The following OGFOD1 variants were observed in gnomAD, a reference collection of about 807,000 sequenced individuals.
OGFOD1 encodes the protein 2-oxoglutarate and iron dependent oxygenase domain containing 1, also known as prolyl 3-hydroxylase OGFOD1.
In OGFOD1, 54 loss-of-function variants were observed where a neutral mutation model predicts 67.7. The observed-to-expected ratio is 0.80, with a 90% CI of 0.64 to 1.00. The LOEUF is 1.00. Ranked by LOEUF, OGFOD1 falls within the 50% of genes least tolerant of loss-of-function variation. The pLI, the probability that OGFOD1 is intolerant of heterozygous loss-of-function variation, is 0.00. For synonymous variants in OGFOD1, 221 were observed against 227.0 expected, an observed-to-expected ratio of 0.97 and a Z score of 0.24; for missense variants, 606 against 646.7, an observed-to-expected ratio of 0.94 and a Z score of 0.68.
At chr16:56,454,434 C>A (rs1017041318) in intron 2 of OGFOD1, among the ~76,000 whole-genome samples, 3 of 146,862 alleles carry the variant, frequency 2.0e-5, no homozygotes, top group Non-Finnish European at 1.5e-5. Flanking sequence ...TAGGGCAAAG[C>A]GTTAAATCCG....
In OGFOD1 at chr16:56,451,696, C is replaced by T. The variant is rs764490653; in HGVS notation, c.84C>T (p.Asp28=). 5 of 1,614,068 alleles carry T rather than the reference C, an allele frequency of 3.1e-6. No individual in the cohort carries two copies. The highest frequency in any genetic ancestry group is 4.2e-6 in the Non-Finnish European group (5 of 1,180,012). The stretch of plus-strand genomic sequence containing the variant: ...AGGAGGTGATGGCGGAGTTTTCGGA[C>T]GCTGTTACGGAAGAAACCTTGAAAA... ...GKKEVMAEFS[D]AVTEETLKKQ... Residue 28 remains aspartate, a synonymous_variant, in exon 1 of 13, where the codon GAC becomes GAT. Transcript: ENST00000566157.
chr16:56,467,066 T>C, intron 6 of OGFOD1, 99 bp downstream of exon 6: 2 of 1,562,278 alleles, frequency 1.3e-6, no homozygotes, highest in South Asian at 1.1e-5. Flanking sequence ...TTATCTGATG[T>C]TGTTTTAATG....
chr16:56,457,717 G>A (rs1164460647), intron 2 of OGFOD1, among the ~76,000 whole-genome samples: 3 of 151,016 alleles, frequency 2.0e-5, no homozygotes, highest in Non-Finnish European at 2.9e-5. Context: ...TTTTGCTCTT[G>A]TTGCCCAGGC....
chr16:56,458,744 T>G, intron 3 of OGFOD1, 150 bp downstream of exon 3: 1 of 646,940 alleles, frequency 1.5e-6, no homozygotes, highest in East Asian at 2.9e-5. Context: ...GAAATTGAGT[T>G]TGCATAGCTT....
intron 10 of OGFOD1, among the ~76,000 whole-genome samples, chr16:56,473,036 T>C (rs1237610762): frequency 3.3e-5 from 5 of 152,198 alleles, no homozygotes; most frequent in Non-Finnish European, 7.4e-5. Context: ...GTTCAAGCGA[T>C]TCTCCTGCCT....
chr16:56,475,863 T>C (rs1261100985), intron 12 of OGFOD1, among the ~76,000 whole-genome samples, 181 bp from the exon 13 acceptor site: 5 of 152,236 alleles, frequency 3.3e-5, no homozygotes, highest in Non-Finnish European at 7.3e-5. Context: ...TCTAGGTATA[T>C]GCTGGAATAG....
intron 7 of OGFOD1, 118 bp from the exon 8 acceptor site, chr16:56,467,787 T>C: frequency 1.5e-6 from 1 of 684,164 alleles, no homozygotes; most frequent in Non-Finnish European, 2.6e-6. Context: ...TCCAGTACTT[T>C]AATAGGAGAA....
intron 7 of OGFOD1, among the ~76,000 whole-genome samples, 178 bp downstream of exon 7, chr16:56,467,471 G>C (rs1247660877): frequency 6.8e-6 from 1 of 147,104 alleles, no homozygotes; most frequent in Non-Finnish European, 1.5e-5. Context: ...CCGTCACCCA[G>C]GCTGGAGTGC....
In OGFOD1 at chr16:56,478,148, T is replaced by C. The variant is rs1052934724; in HGVS notation, c.*1943T>C. ...TAACGAACCATTTTACACCATACTA[T>C]TTTGGAGACCACAATTTTTTTTGCG... On this transcript the variant is annotated 3_prime_UTR_variant, in exon 13 of 13. Transcript: ENST00000566157. 6.6e-6 allele frequency: 1 copy of C among 152,130 alleles called. No homozygotes were observed. Among genetic ancestry groups the C allele is most frequent in the Non-Finnish European group, 1.5e-5 (1 of 68,042 alleles). 9.4% of individuals were successfully genotyped at this position (152,130 alleles called of 1,614,324 possible).
rs1963389698 is a variant in OGFOD1 at position 56,474,970 on chromosome 16, G to C, written c.1408+20G>C. The C allele has an allele frequency of 6.2e-7, 1 of 1,612,220 alleles. No individual in the cohort carries two copies. ...GTGAAGGTAAGAGGGAGGAAAGCAA[G>C]CGGTGGATTATTCCCCGTAGGAGGG... On this transcript the variant is annotated intron_variant, in intron 11 of 12. Coordinates refer to ENST00000566157, the MANE Select transcript of OGFOD1 (RefSeq NM_018233.4).
intron 5 of OGFOD1, among the ~76,000 whole-genome samples, chr16:56,466,496 G>A (rs1962905966): frequency 6.6e-6 from 1 of 152,192 alleles, no homozygotes; most frequent in African/African-American, 2.4e-5. Context: ...CATTTAAGAT[G>A]AGAAATAGTC....
chr16:56,469,403 C>A (rs1963045868), intron 8 of OGFOD1, among the ~76,000 whole-genome samples: 1 of 152,118 alleles, frequency 6.6e-6, no homozygotes. Flanking sequence ...TTTATAAATG[C>A]AGCAGTCTGG....
chr16:56,469,850 CAAAAAAAA>C (rs751278368), intron 8 of OGFOD1, among the ~76,000 whole-genome samples, 145 bp from the exon 9 acceptor site: 3 of 53,340 alleles, frequency 5.6e-5, no homozygotes, highest in East Asian at 5.6e-4. Flanking sequence ...AACTCCATCT[CAAAAAAAA>C]AAAAAAAAAA....
intron 10 of OGFOD1, 98 bp downstream of exon 10, chr16:56,470,889 C>A: frequency 8.0e-7 from 1 of 1,252,148 alleles, no homozygotes; most frequent in Non-Finnish European, 1.1e-6. Flanking sequence ...CTACTGTGCC[C>A]TAAGCCCTAT....
intron 8 of OGFOD1, among the ~76,000 whole-genome samples, chr16:56,469,381 T>G (rs1419389167): frequency 6.6e-6 from 1 of 152,146 alleles, no homozygotes; most frequent in African/African-American, 2.4e-5. Context: ...TGGTCTGTAT[T>G]ATGATCCTCA....
Position 56,477,082 on chromosome 16 carries a change from T to G in OGFOD1, c.*877T>G, listed in dbSNP as rs1279457207. The G allele has an allele frequency of 1.3e-5, 2 of 152,246 alleles. No individual in the cohort carries two copies. The highest frequency in any genetic ancestry group is 2.9e-5 in the Non-Finnish European group (2 of 68,108). The allele number at this position is 152,246 out of a possible 1,614,324, so 9.4% of individuals were successfully genotyped here. A position where few individuals can be genotyped will look rare whatever the true frequency, so the allele number is the denominator to read the frequency against. On this transcript the variant is annotated 3_prime_UTR_variant, in exon 13 of 13. Transcript: ENST00000566157. ...AGGCGGAGGTTGCAGTGAGCCGAGA[T>G]TGTGCCACTGCACTCCAGCCTGGGC...
rs796682726 is a variant in OGFOD1, at chr16:56,465,003, C to CTT, written c.449-1135_449-1134dup. Among the ~76,000 whole-genome samples, 705 of 139,756 alleles carry CTT rather than the reference C, an allele frequency of 5.0e-3. 6 individuals are homozygous for CTT. The highest frequency in any genetic ancestry group is 0.017 in the African/African-American group (671 of 38,352). 91.7% of individuals were successfully genotyped at this position (139,756 alleles called of 152,430 possible). A position where few individuals can be genotyped will look rare whatever the true frequency, so the allele number is the denominator to read the frequency against. On this transcript the variant is annotated intron_variant, in intron 4 of 12. Transcript: ENST00000566157. ...ATACATTTACATTTGGAATGTATTT[C>CTT]TTTTTTTTTTTTTTTAGACTGTCTC...
At chr16:56,462,447 A>G (rs934153449) in intron 3 of OGFOD1, 87 bp from the exon 4 acceptor site, 2 of 755,308 alleles carry the variant, frequency 2.6e-6, no homozygotes, top group Non-Finnish European at 4.7e-6. Flanking sequence ...GATCTCCAGG[A>G]AAGAAAAGTT....
chr16:56,472,999 C>T (rs1567555551), intron 10 of OGFOD1, among the ~76,000 whole-genome samples: 1 of 152,146 alleles, frequency 6.6e-6, no homozygotes, highest in Admixed American at 6.5e-5. Flanking sequence ...GGCATGATCT[C>T]GGCTCACTGC....
Sources: allele counts gnomAD v4.1 joint callset (sites outside exome capture counted in the v4.1 genomes callset), GRCh38; gene constraint gnomAD v4.1.1; transcripts MANE v1.5; gene names NCBI Gene and HGNC (gene_info 2026-07-23, HGNC 2026-07-21).